The following LZTFL1 variants were observed in gnomAD, a reference collection of about 807,000 sequenced individuals.
LZTFL1 encodes the protein leucine zipper transcription factor like 1.
In LZTFL1, 25 loss-of-function variants were observed where a neutral mutation model predicts 45.9. The ratio of observed to expected loss-of-function variants is 0.54; its 90% confidence interval spans 0.40 to 0.76. The LOEUF is 0.76. LZTFL1 is among the 30% of genes least tolerant of loss of function. The pLI is 0.00. For synonymous variants in LZTFL1, 93 were observed against 117.4 expected (o/e 0.79, Z 1.35); for missense variants, 277 against 331.1 (o/e 0.84, Z 1.27).
intron 1 of LZTFL1, among the ~76,000 whole-genome samples, chr3:45,839,042 A>C (rs1575260691): frequency 6.6e-6 from 1 of 152,260 alleles, no homozygotes; most frequent in Non-Finnish European, 1.5e-5. Flanking sequence ...CACAATTTAG[A>C]AATATCACAA....
chr3:45,884,272 G>C (rs550590165), intron 2 of LZTFL1, among the ~76,000 whole-genome samples: 1 of 152,318 alleles, frequency 6.6e-6, no homozygotes, highest in South Asian at 2.1e-4. Context: ...ACACAGCAAA[G>C]AAAACAAGAG....
rs117064645 is a variant in LZTFL1, at chr3:45,853,032, T to C, written c.-49+1954A>G. On this transcript the variant is annotated intron_variant, in intron 4 of 4. Coordinates refer to the LZTFL1 transcript ENST00000472635. ...TTGCAGCCCACTATTTTTAGCTTTT[T>C]CTTCTTTTTTTCTCCAGATGGCTGA... Among the ~76,000 whole-genome samples the C allele has an allele frequency of 3.2e-3, 483 of 152,348 alleles. 3 individuals are homozygous for C. The highest frequency in any genetic ancestry group is 0.015 in the Admixed American group (233 of 15,304).
In LZTFL1 at chr3:45,901,169, G is replaced by A. The variant is rs1702542439; in HGVS notation, c.-215+11951C>T. 3.7e-6 allele frequency: 6 copies of A among 1,614,244 alleles called. No homozygotes were observed. Among genetic ancestry groups the A allele is most frequent in the Non-Finnish European group, 5.1e-6 (6 of 1,180,038 alleles). ...GCAAGGTGGTCAACAGCATGTACAAGATGAACTTCTACAGCTGTGTGTTGC... is the reference window on the plus strand; with the variant it reads ...GCAAGGTGGTCAACAGCATGTACAAAATGAACTTCTACAGCTGTGTGTTGC... On this transcript the variant is annotated intron_variant, in intron 2 of 4. Transcript: ENST00000472635. The surrounding 1 kb of genome is among the most constrained non-coding windows in gnomAD (Gnocchi z 4.3).
At chr3:45,897,151 G>A (rs1702381875) in intron 2 of LZTFL1, among the ~76,000 whole-genome samples, 1 of 152,166 alleles carries the variant, frequency 6.6e-6, no homozygotes, top group African/African-American at 2.4e-5. Context: ...ACTGAGGTTT[G>A]TTTACATTTA....
At chr3:45,897,329 G>T in intron 2 of LZTFL1, among the ~76,000 whole-genome samples, 1 of 152,156 alleles carries the variant, frequency 6.6e-6, no homozygotes, top group Non-Finnish European at 1.5e-5. Flanking sequence ...TAAAAAATAT[G>T]CCTGGGGAGT....
intron 2 of LZTFL1, among the ~76,000 whole-genome samples, chr3:45,887,251 CTGTGTG>C (rs36040178): frequency 4.0e-5 from 6 of 149,222 alleles, no homozygotes; most frequent in African/African-American, 1.5e-4. Context: ...GCGTGTGTGT[CTGTGTG>C]TGTGTGTGTG....
At chr3:45,893,002 A>C (rs1702235038) in intron 2 of LZTFL1, among the ~76,000 whole-genome samples, 1 of 152,184 alleles carries the variant, frequency 6.6e-6, no homozygotes, top group African/African-American at 2.4e-5. Flanking sequence ...TAAACTGCAA[A>C]TATTAAAATG....
chr3:45,855,162 A>T (rs1424065531), intron 3 of LZTFL1: 1 of 764,460 alleles, frequency 1.3e-6, no homozygotes, highest in South Asian at 1.6e-5. Context: ...AAAAATCCTC[A>T]ATAAAATACT....
exon 1 of LZTFL1, chr3:45,915,505 GC>G (rs1319468179): frequency 2.2e-6 from 1 of 456,470 alleles, no homozygotes; most frequent in East Asian, 7.0e-5. Context: ...GGAGCAGAAA[GC>G]GGGGGAGACC....
At chr3:45,908,878 G>T (rs1230743420) in intron 2 of LZTFL1, among the ~76,000 whole-genome samples, 8 of 152,230 alleles carry the variant, frequency 5.3e-5, no homozygotes, top group Admixed American at 5.2e-4. Flanking sequence ...TCTGTGGCCT[G>T]TTAGGAACCA....
intron 4 of LZTFL1, 103 bp downstream of exon 4, chr3:45,834,135 T>A (rs907204578): frequency 1.1e-5 from 7 of 633,638 alleles, no homozygotes; most frequent in Non-Finnish European, 1.6e-5. Flanking sequence ...ATTGAATGCT[T>A]TTCCTTAAGA....
intron 4 of LZTFL1, among the ~76,000 whole-genome samples, chr3:45,850,053 T>C (rs951665048): frequency 6.6e-6 from 1 of 152,230 alleles, no homozygotes; most frequent in African/African-American, 2.4e-5. Flanking sequence ...GATTTTTCCA[T>C]GTGCCCATTG....
At chr3:45,859,884 G>A (rs1327284015) in intron 2 of LZTFL1, among the ~76,000 whole-genome samples, 4 of 152,004 alleles carry the variant, frequency 2.6e-5, no homozygotes, top group South Asian at 4.1e-4. Context: ...TGATCTGCCC[G>A]TATATAGCAT....
intron 2 of LZTFL1, among the ~76,000 whole-genome samples, chr3:45,893,313 C>T (rs62245096): frequency 0.078 from 11,826 of 152,206 alleles, 586 homozygotes; most frequent in East Asian, 0.25. Context: ...CACCACCACA[C>T]CTGGCTAATT....
chr3:45,859,679 C>T (rs1701451380), intron 2 of LZTFL1, among the ~76,000 whole-genome samples: 1 of 149,782 alleles, frequency 6.7e-6, no homozygotes, highest in Admixed American at 6.6e-5. Context: ...CTCTGTTGCC[C>T]AGGCTGGCAT....
intron 2 of LZTFL1, among the ~76,000 whole-genome samples, chr3:45,837,372 G>A (rs1700993899): frequency 6.6e-6 from 1 of 152,170 alleles, no homozygotes; most frequent in Non-Finnish European, 1.5e-5. Flanking sequence ...GGCAGCTGGA[G>A]CTCACTTGGA....
chr3:45,835,460 C>A, intron 3 of LZTFL1, 130 bp downstream of exon 3: 1 of 754,230 alleles, frequency 1.3e-6, no homozygotes, highest in South Asian at 1.6e-5. Flanking sequence ...TGACTCAATG[C>A]TTTGCTGTTA....
At chr3:45,913,305 C>T (rs1702836468) in intron 1 of LZTFL1, 5 of 523,770 alleles carry the variant, frequency 9.5e-6, no homozygotes, top group South Asian at 2.8e-5. Flanking sequence ...AGATCCTTAA[C>T]TTTTTTTTTT....
At chr3:45,894,980 T>C (rs755280594) in intron 2 of LZTFL1, 5 of 1,611,444 alleles carry the variant, frequency 3.1e-6, no homozygotes, top group Non-Finnish European at 2.5e-6. Context: ...CTCCTCTGGC[T>C]CCTCAAAACA....
Sources: gnomAD v4.1 joint callset for allele counts (sites outside exome capture counted in the v4.1 genomes callset) on GRCh38, gnomAD v4.1.1 for gene constraint, Gnocchi (gnomAD v3.1) non-coding constraint, MANE v1.5 for transcripts, NCBI Gene and HGNC (gene_info 2026-07-23, HGNC 2026-07-21) for gene names.